The following CDC73 variants were observed in gnomAD, a reference collection of about 807,000 sequenced individuals.
CDC73 encodes the protein cell division cycle 73, also known as parafibromin.
Under a neutral mutation model 83.7 loss-of-function variants are expected in CDC73, and 21 were observed. That is an observed-to-expected ratio of 0.25 (90% CI 0.18 to 0.36). The LOEUF is 0.36. CDC73 is among the 10% of genes least tolerant of loss of function. CDC73 has a pLI of 1.00. For synonymous variants in CDC73, 224 were observed against 212.9 expected (o/e 1.05, Z -0.45); for missense variants, 342 against 653.3 (o/e 0.52, Z 5.19).
intron 10 of CDC73, among the ~76,000 whole-genome samples, chr1:193,188,801 T>G (rs942868278): frequency 1.3e-5 from 2 of 151,870 alleles, no homozygotes. Context: ...GAATTTCCAG[T>G]GGGACCCCCC....
intron 6 of CDC73, 90 bp downstream of exon 6, chr1:193,138,263 A>G: frequency 2.3e-6 from 2 of 887,494 alleles, no homozygotes; most frequent in African/African-American, 1.7e-5. Context: ...CCACATTTAC[A>G]TTTACCTCTT....
At position 193,135,548 on chromosome 1, in the gene CDC73, G is replaced by A. The variant is rs756584058; in HGVS notation, c.382G>A (p.Ala128Thr). 4.3e-6 allele frequency: 7 copies of A among 1,613,526 alleles called. No individual in the cohort carries two copies. The highest frequency in any genetic ancestry group is 5.9e-6 in the Non-Finnish European group (7 of 1,179,664). ...LQRSTQVKRA[A>T]DEVLAEAKKP... The stretch of plus-strand genomic sequence containing the variant: ...TCTTTCTTTTATAGTCAAACGAGCT[G>A]CAGATGAAGTTTTAGCAGAAGCAAA... Residue 128 changes from alanine to threonine, a missense_variant, in exon 5 of 17, where the codon GCA becomes ACA. Physicochemically the swap from Ala to Thr is moderately conservative, Grantham distance 58. Around this residue, in one of 3 missense-constraint regions of CDC73, gnomAD observed 99 missense variants for 174.5 expected, o/e 0.57. Transcript: ENST00000367435.
chr1:193,127,706 G>A (rs1394297114), intron 2 of CDC73: 1 of 151,890 alleles, frequency 6.6e-6, no homozygotes, highest in East Asian at 1.9e-4. Context: ...TTTTTCATAA[G>A]TATTTGCCAG....
At chr1:193,215,826 G>T (rs1677358216) in intron 13 of CDC73, among the ~76,000 whole-genome samples, 1 of 152,100 alleles carries the variant, frequency 6.6e-6, no homozygotes, top group African/African-American at 2.4e-5. Flanking sequence ...CTGGGCCCAA[G>T]TGAGCTGCCT....
intron 16 of CDC73, among the ~76,000 whole-genome samples, chr1:193,250,340 C>T (rs993168214): frequency 4.6e-5 from 7 of 151,734 alleles, no homozygotes; most frequent in Non-Finnish European, 8.9e-5. Flanking sequence ...GTTTTGTAAT[C>T]GGCAAATTTA....
chr1:193,235,524 A>ATTT (rs1677742204), intron 14 of CDC73, among the ~76,000 whole-genome samples: 2 of 152,170 alleles, frequency 1.3e-5, no homozygotes, highest in Non-Finnish European at 2.9e-5. Context: ...ATTGGCTTTA[A>ATTT]CTGTTTATGG....
chr1:193,169,734 A>C (rs1384267660), intron 10 of CDC73, among the ~76,000 whole-genome samples: 3 of 152,140 alleles, frequency 2.0e-5, no homozygotes, highest in African/African-American at 7.2e-5. Flanking sequence ...TTTCCAAATG[A>C]GTTTTTGAAA....
At chr1:193,212,266 C>G (rs1388358903) in intron 12 of CDC73, 124 bp from the exon 13 acceptor site, 2 of 868,174 alleles carry the variant, frequency 2.3e-6, no homozygotes, top group East Asian at 2.7e-5. Context: ...TTAATATCCA[C>G]TGGCTTAAAA....
intron 10 of CDC73, chr1:193,179,565 C>T (rs889422830): frequency 2.6e-5 from 4 of 152,672 alleles, no homozygotes; most frequent in African/African-American, 9.6e-5. Context: ...GGAAACAAAA[C>T]TTGTCTATTT....
intron 7 of CDC73, among the ~76,000 whole-genome samples, chr1:193,145,162 A>G (rs1265555139): frequency 6.6e-6 from 1 of 152,222 alleles, no homozygotes; most frequent in Non-Finnish European, 1.5e-5. Flanking sequence ...GTCACAAATC[A>G]TGCATGGGTA....
chr1:193,175,233 A>G (rs913591133), intron 10 of CDC73, among the ~76,000 whole-genome samples: 1 of 152,202 alleles, frequency 6.6e-6, no homozygotes, highest in Admixed American at 6.5e-5. Context: ...AATATTGGCA[A>G]CAGATTATGT....
At chr1:193,224,789 A>G (rs1417257482) in intron 13 of CDC73, among the ~76,000 whole-genome samples, 1 of 152,172 alleles carries the variant, frequency 6.6e-6, no homozygotes, top group Non-Finnish European at 1.5e-5. Flanking sequence ...CCAATTTTTT[A>G]GCTCAACCAA....
chr1:193,242,638 C>T (rs148075465), intron 15 of CDC73, among the ~76,000 whole-genome samples: 16 of 152,158 alleles, frequency 1.1e-4, no homozygotes, highest in African/African-American at 3.9e-4. Context: ...TCTTGAAGCC[C>T]CTCTCAAGAT....
At position 193,122,126 on chromosome 1, in the gene CDC73, G is replaced by A. The variant is rs1018141602; in HGVS notation, c.-75G>A. Reference sequence around the variant, plus strand: ...CGAAGGAGGAGGAGGAAGAGGGCGAGGCGACAAGAGAAGAAGGAGGCAGGC... The same window carrying A: ...CGAAGGAGGAGGAGGAAGAGGGCGAAGCGACAAGAGAAGAAGGAGGCAGGC... On this transcript the variant is annotated 5_prime_UTR_variant, in exon 1 of 17. Coordinates refer to ENST00000367435, the MANE Select transcript of CDC73 (RefSeq NM_024529.5). 6.9e-7 allele frequency: 1 copy of A among 1,455,116 alleles called. No individual in the cohort carries two copies. Among genetic ancestry groups the A allele is most frequent in the Non-Finnish European group, 9.6e-7 (1 of 1,037,700 alleles). The allele number at this position is 1,455,116 out of a possible 1,614,324, so 90.1% of individuals were successfully genotyped here. A position where few individuals can be genotyped will look rare whatever the true frequency, so the allele number is the denominator to read the frequency against.
intron 13 of CDC73, among the ~76,000 whole-genome samples, chr1:193,221,820 A>G (rs1677475798): frequency 6.6e-6 from 1 of 152,098 alleles, no homozygotes; most frequent in South Asian, 2.1e-4. Context: ...TTAACACCTC[A>G]TTGCAACTGA....
intron 7 of CDC73, among the ~76,000 whole-genome samples, chr1:193,144,112 C>CAAAAAAAAAAAA (rs67477778): frequency 4.8e-4 from 31 of 64,366 alleles, no homozygotes; most frequent in African/African-American, 9.8e-4. Context: ...TCTGTCTCAC[C>CAAAAAAAAAAAA]AAAAAAAAAA....
At chr1:193,138,562 A>G (rs999107543) in intron 6 of CDC73, among the ~76,000 whole-genome samples, 3 of 152,176 alleles carry the variant, frequency 2.0e-5, no homozygotes, top group Non-Finnish European at 4.4e-5. Flanking sequence ...GGTGTGGGGA[A>G]AGCAGCCATA....
intron 10 of CDC73, among the ~76,000 whole-genome samples, chr1:193,178,747 A>G (rs938870943): frequency 3.3e-5 from 5 of 152,216 alleles, no homozygotes; most frequent in Non-Finnish European, 7.3e-5. Context: ...CACTTGATTT[A>G]GAGTAGAACA....
At chr1:193,182,746 A>G (rs1676738824) in intron 10 of CDC73, among the ~76,000 whole-genome samples, 1 of 152,056 alleles carries the variant, frequency 6.6e-6, no homozygotes, top group Non-Finnish European at 1.5e-5. Flanking sequence ...ATTTGTTCAC[A>G]TTTGTTCTTA....
Sources: gnomAD v4.1 joint callset for allele counts (sites outside exome capture counted in the v4.1 genomes callset) on GRCh38, gnomAD v4.1.1 for gene constraint, gnomAD v4.1.1 regional missense constraint, MANE v1.5 for transcripts, NCBI Gene and HGNC (gene_info 2026-07-23, HGNC 2026-07-21) for gene names.